Variants in TJP1 observed in about 807,000 individuals in gnomAD.
TJP1 encodes tight junction protein ZO-1.
Under a neutral mutation model 194.2 loss-of-function variants are expected in TJP1, and 43 were observed. That is an observed-to-expected ratio of 0.22 (90% CI 0.17 to 0.29). The LOEUF (loss-of-function observed/expected upper bound fraction) is 0.29. TJP1 is among the 10% of genes least tolerant of loss of function. TJP1 has a pLI of 1.00. For missense variants in TJP1, 1,971 were observed against 2,185.7 expected, an observed-to-expected ratio of 0.90 and a Z score of 1.96; for synonymous variants, 801 against 779.0, an observed-to-expected ratio of 1.03 and a Z score of -0.47.
chr15:29,709,456 A>G lies in TJP1; in HGVS notation c.4373-420T>C, dbSNP rs146238128. Reference sequence around the variant, plus strand: ...TCTGATGATGCCAAACATTGGTTAAAAAGTGGAACCACAGGATTTTTTATG... The same window carrying G: ...TCTGATGATGCCAAACATTGGTTAAGAAGTGGAACCACAGGATTTTTTATG... On this transcript the variant is annotated intron_variant, in intron 24 of 27. Coordinates refer to ENST00000614355, the MANE Select transcript of TJP1 (RefSeq NM_001330239.4). 8.4e-4 allele frequency among the ~76,000 whole-genome samples: 128 copies of G among 152,370 alleles called. 1 individual carries two copies. In the East Asian group the frequency reaches 0.021, roughly 25 times the overall value.
intron 2 of TJP1, among the ~76,000 whole-genome samples, chr15:29,781,999 G>C (rs2047395866): frequency 1.3e-5 from 2 of 152,094 alleles, no homozygotes; most frequent in Admixed American, 1.3e-4. Context: ...AGAAATAAAG[G>C]GCATCCGAAT....
At chr15:29,806,289 A>G (rs1282294327) in intron 1 of TJP1, among the ~76,000 whole-genome samples, 1 of 152,214 alleles carries the variant, frequency 6.6e-6, no homozygotes, top group Non-Finnish European at 1.5e-5. Flanking sequence ...TTTGAGAAGA[A>G]GCAGACAATG....
At chr15:29,849,629 C>T (rs1032173409) in intron 2 of TJP1, among the ~76,000 whole-genome samples, 2 of 151,756 alleles carry the variant, frequency 1.3e-5, no homozygotes, top group Non-Finnish European at 2.9e-5. Context: ...ATCCTAGCTA[C>T]TCAGGAGGCT....
chr15:29,765,050 G>A (rs867076075), intron 5 of TJP1, among the ~76,000 whole-genome samples: 13 of 152,154 alleles, frequency 8.5e-5, no homozygotes, highest in Non-Finnish European at 4.4e-5. Context: ...AAAAGATACA[G>A]AAAGGTGGGG....
chr15:29,962,680 A>C (rs927283462), intron 1 of TJP1, among the ~76,000 whole-genome samples: 8 of 152,208 alleles, frequency 5.3e-5, no homozygotes, highest in African/African-American at 1.9e-4. Context: ...AAGGATGCTA[A>C]ATCCTTCTGA....
intron 2 of TJP1, among the ~76,000 whole-genome samples, chr15:29,790,432 A>G (rs1250765140): frequency 1.1e-5 from 1 of 91,236 alleles, no homozygotes; most frequent in Admixed American, 1.4e-4. Flanking sequence ...GTAGTTGTAT[A>G]TATTTATGGG....
intron 1 of TJP1, among the ~76,000 whole-genome samples, chr15:29,814,073 C>T (rs752587251): frequency 1.1e-4 from 16 of 152,086 alleles, no homozygotes; most frequent in Non-Finnish European, 2.1e-4. Flanking sequence ...ATATTGATAC[C>T]AAACATATGC....
At chr15:29,807,697 G>C (rs1263481641) in intron 1 of TJP1, among the ~76,000 whole-genome samples, 2 of 151,956 alleles carry the variant, frequency 1.3e-5, no homozygotes, top group Non-Finnish European at 2.9e-5. Flanking sequence ...AGTAACAAAT[G>C]AACATAACTA....
At chr15:29,963,495 A>C (rs1225089770) in intron 1 of TJP1, among the ~76,000 whole-genome samples, 1 of 152,214 alleles carries the variant, frequency 6.6e-6, no homozygotes, top group African/African-American at 2.4e-5. Flanking sequence ...AATGAATAGC[A>C]ACTCTTATTG....
At chr15:29,956,570 CA>C (rs2055950075) in intron 1 of TJP1, among the ~76,000 whole-genome samples, 1 of 152,196 alleles carries the variant, frequency 6.6e-6, no homozygotes, top group Non-Finnish European at 1.5e-5. Context: ...TGACAGGATT[CA>C]AATAGTACAA....
chr15:29,924,840 G>C (rs574096385), intron 2 of TJP1, among the ~76,000 whole-genome samples: 1 of 152,318 alleles, frequency 6.6e-6, no homozygotes, highest in East Asian at 1.9e-4. Context: ...TGTTATCTAA[G>C]GAATGCTGGG....
rs79153972 is a variant in TJP1 at position 29,926,617 on chromosome 15, A to G, written c.306+29615T>C. 7.9e-5 allele frequency among the ~76,000 whole-genome samples: 12 copies of G among 151,710 alleles called. 1 individual carries two copies. In the South Asian group the frequency reaches 2.3e-3, roughly 29 times the overall value. On this transcript the variant is annotated intron_variant, in intron 2 of 28. Transcript: ENST00000356107. ...ACAAGAGCAAAACTCCATTTCAGAAAAAAAAAAAAAAAAGTATTTGGGGAC... is the reference window on the plus strand; with the variant it reads ...ACAAGAGCAAAACTCCATTTCAGAAGAAAAAAAAAAAAAGTATTTGGGGAC...
rs1055440902 is a variant in TJP1 at position 29,873,618 on chromosome 15, C to G, written c.307-72916G>C. Among the ~76,000 whole-genome samples the G allele has an allele frequency of 3.3e-5, 5 of 152,266 alleles. No homozygotes were observed. The East Asian group carries it at 7.7e-4, about 24-fold the overall frequency. ...TATGCTTTATATTCTTTTACAGTTT[C>G]CTATTTTAATATTCTCATCTGGTAG... On this transcript the variant is annotated intron_variant, in intron 2 of 28. Coordinates refer to the TJP1 transcript ENST00000356107.
chr15:29,932,430 T>C (rs929469188), intron 2 of TJP1, among the ~76,000 whole-genome samples: 1 of 152,072 alleles, frequency 6.6e-6, no homozygotes, highest in African/African-American at 2.4e-5. Context: ...GTAATCCACA[T>C]TGAAAATAAC....
chr15:29,802,581 T>A (rs1382262816), intron 1 of TJP1, among the ~76,000 whole-genome samples: 9 of 151,104 alleles, frequency 6.0e-5, no homozygotes, highest in Non-Finnish European at 1.0e-4. Flanking sequence ...TTTTTTTTTT[T>A]AAACAAACAT....
intron 2 of TJP1, among the ~76,000 whole-genome samples, chr15:29,779,868 T>C (rs920670403): frequency 2.0e-5 from 3 of 151,958 alleles, no homozygotes; most frequent in Non-Finnish European, 4.4e-5. Context: ...CCCCTTGAAG[T>C]GCAAAATGCA....
At chr15:29,808,520 G>A (rs566821371) in intron 1 of TJP1, among the ~76,000 whole-genome samples, 2 of 152,150 alleles carry the variant, frequency 1.3e-5, no homozygotes, top group Non-Finnish European at 2.9e-5. Context: ...TAACCTGACA[G>A]AACTGTAAGT....
intron 23 of TJP1, among the ~76,000 whole-genome samples, chr15:29,712,368 G>A (rs1451648723): frequency 5.9e-5 from 9 of 152,174 alleles, no homozygotes; most frequent in African/African-American, 2.4e-5. Context: ...ACCACTTGAC[G>A]TTCCTTTTCA....
intron 1 of TJP1, among the ~76,000 whole-genome samples, chr15:29,805,876 G>C (rs1401845234): frequency 6.6e-6 from 1 of 152,150 alleles, no homozygotes; most frequent in African/African-American, 2.4e-5. Flanking sequence ...AGTGGAGAAA[G>C]ATGTTTCAGA....
Sources: allele counts gnomAD v4.1 joint callset (sites outside exome capture counted in the v4.1 genomes callset), GRCh38; gene constraint gnomAD v4.1.1; transcripts MANE v1.5; gene names NCBI Gene and HGNC (gene_info 2026-07-23, HGNC 2026-07-21).